TNIK: variants seen among roughly 807,000 people sequenced by gnomAD.
The protein encoded by TNIK is TRAF2 and NCK interacting kinase, also known as TRAF2 and NCK-interacting protein kinase.
In TNIK, 49 loss-of-function variants were observed where a neutral mutation model predicts 191.3. The ratio of observed to expected loss-of-function variants is 0.26; its 90% CI spans 0.20 to 0.32. The LOEUF (loss-of-function observed/expected upper bound fraction) is 0.32, where lower values mean the gene tolerates loss of function less well. Among genes scored for constraint, TNIK ranks in the 10% least tolerant of loss-of-function variants. The pLI, the probability that TNIK is intolerant of heterozygous loss-of-function variation, is 1.00. For synonymous variants in TNIK, 594 were observed against 600.9 expected (o/e 0.99, Z 0.17); for missense variants, 1,155 against 1,702.3 (o/e 0.68, Z 5.66).
chr3:171,118,126 C>T (rs1199249612), intron 18 of TNIK, among the ~76,000 whole-genome samples: 1 of 151,940 alleles, frequency 6.6e-6, no homozygotes, highest in Non-Finnish European at 1.5e-5. Flanking sequence ...GCAAAAATCA[C>T]AAACATTCTT....
At chr3:171,221,493 T>C (rs1284180216) in intron 3 of TNIK, among the ~76,000 whole-genome samples, 1 of 152,160 alleles carries the variant, frequency 6.6e-6, no homozygotes, top group Admixed American at 6.5e-5. Flanking sequence ...TCTTCTTAAA[T>C]TCTCTCTTCA....
At position 171,059,651 on chromosome 3, in the gene TNIK, ACTTTAG is replaced by A. The variant is rs1717654998; in HGVS notation, c.*4224_*4229del. Among the ~76,000 whole-genome samples, 2 of 152,196 alleles carry A rather than the reference ACTTTAG, an allele frequency of 1.3e-5. No individual in the cohort carries two copies. Among genetic ancestry groups the A allele is most frequent in the Admixed American group, 1.3e-4 (2 of 15,270 alleles). On this transcript the variant is annotated 3_prime_UTR_variant, in exon 33 of 33. Transcript: ENST00000436636. ...TTTAAGATCCATGAAAGGACAGCTT[ACTTTAG>A]GGTTCCTGATATATAGTGACCAAGG... is the stretch of plus-strand genomic sequence containing the variant.
chr3:171,094,041 T>A (rs915487188), intron 22 of TNIK, 73 bp from the exon 23 acceptor site: 22 of 1,536,336 alleles, frequency 1.4e-5, no homozygotes, highest in Non-Finnish European at 1.8e-5. Context: ...ATATTCATTA[T>A]TTTTGTTATG....
chr3:171,066,351 G>T, intron 31 of TNIK, 25 bp from the exon 32 acceptor site: 1 of 1,611,976 alleles, frequency 6.2e-7, no homozygotes, highest in Non-Finnish European at 8.5e-7. Flanking sequence ...TTCCAAAACT[G>T]CATTAAAAAC....
At chr3:171,117,782 A>G (rs1726977262) in intron 18 of TNIK, among the ~76,000 whole-genome samples, 1 of 152,116 alleles carries the variant, frequency 6.6e-6, no homozygotes, top group Non-Finnish European at 1.5e-5. Context: ...CATCCTGGCT[A>G]ACAGGGTGAA....
At chr3:171,166,120 A>G (rs1489517781) in intron 10 of TNIK, among the ~76,000 whole-genome samples, 2 of 152,214 alleles carry the variant, frequency 1.3e-5, no homozygotes, top group Non-Finnish European at 2.9e-5. Flanking sequence ...CAGCAAGCAC[A>G]CAATGTAGTA....
intron 12 of TNIK, among the ~76,000 whole-genome samples, chr3:171,155,741 C>T (rs946189781): frequency 6.6e-6 from 1 of 152,182 alleles, no homozygotes; most frequent in African/African-American, 2.4e-5. Flanking sequence ...AGATTCTGTG[C>T]CCTTGCGCAG....
At chr3:171,203,839 C>G (rs1273375833) in intron 4 of TNIK, among the ~76,000 whole-genome samples, 1 of 152,180 alleles carries the variant, frequency 6.6e-6, no homozygotes, top group East Asian at 1.9e-4. Flanking sequence ...AGTCTTGGCT[C>G]TGCAAGTGTA....
At chr3:171,332,320 T>A (rs1389174843) in intron 2 of TNIK, among the ~76,000 whole-genome samples, 2 of 152,256 alleles carry the variant, frequency 1.3e-5, no homozygotes, top group Non-Finnish European at 2.9e-5. Flanking sequence ...TTTTGGCTAT[T>A]GGAATTAGTT....
intron 2 of TNIK, among the ~76,000 whole-genome samples, chr3:171,363,742 A>T (rs2108476096): frequency 1.3e-5 from 2 of 152,344 alleles, no homozygotes; most frequent in Admixed American, 1.3e-4. Context: ...TGATATACAG[A>T]TTTGAGAAAA....
At chr3:171,144,610 T>A (rs1731286559) in intron 12 of TNIK, among the ~76,000 whole-genome samples, 1 of 152,112 alleles carries the variant, frequency 6.6e-6, no homozygotes, top group African/African-American at 2.4e-5. Flanking sequence ...CTTAAACACT[T>A]ACCATTGCTT....
intron 1 of TNIK, among the ~76,000 whole-genome samples, chr3:171,407,407 T>A (rs1024626932): frequency 1.3e-5 from 2 of 152,234 alleles, no homozygotes; most frequent in African/African-American, 4.8e-5. Context: ...GAAATTGCCT[T>A]GTTGCTTTGG....
intron 4 of TNIK, among the ~76,000 whole-genome samples, chr3:171,202,756 A>G (rs1457406470): frequency 2.0e-5 from 3 of 152,216 alleles, no homozygotes; most frequent in Non-Finnish European, 4.4e-5. Context: ...GTTTGTATCT[A>G]CGTAACTTAC....
At position 171,310,747 on chromosome 3, in the gene TNIK, C is replaced by T. The variant is rs183424873; in HGVS notation, c.123+58873G>A. On this transcript the variant is annotated intron_variant, in intron 2 of 32. Transcript: ENST00000436636. Reference sequence around the variant, plus strand: ...GTTCATATTTGATATTTAAATAAAGCTTTTCTTTTCAAGCATTATAATACA... The same window carrying T: ...GTTCATATTTGATATTTAAATAAAGTTTTTCTTTTCAAGCATTATAATACA... 3.5e-3 allele frequency among the ~76,000 whole-genome samples: 539 copies of T among 152,138 alleles called. 2 individuals are homozygous for T. Among genetic ancestry groups the T allele is most frequent in the African/African-American group, 0.012 (483 of 41,514 alleles).
intron 22 of TNIK, among the ~76,000 whole-genome samples, chr3:171,095,988 T>A (rs769369474): frequency 2.0e-5 from 3 of 152,256 alleles, no homozygotes; most frequent in Non-Finnish European, 4.4e-5. Flanking sequence ...CATTTGTTTA[T>A]CTTGTGTGTA....
At position 171,267,833 on chromosome 3, in the gene TNIK, T is replaced by C. The variant is rs999633161; in HGVS notation, c.124-39612A>G. 5.3e-5 allele frequency among the ~76,000 whole-genome samples: 8 copies of C among 152,344 alleles called. No homozygotes were observed. The East Asian group carries it at 1.5e-3, about 29-fold the overall frequency. Reference sequence around the variant, plus strand: ...TCCTCATCTGTGAAACTCGTTCATTTATTGAACAGGTTTACTGAGCTCCCA... The same window carrying C: ...TCCTCATCTGTGAAACTCGTTCATTCATTGAACAGGTTTACTGAGCTCCCA... On this transcript the variant is annotated intron_variant, in intron 2 of 32. Transcript: ENST00000436636.
rs1188474261 is a variant in TNIK at position 171,331,432 on chromosome 3, CAAAGTATTA to C, written c.123+38179_123+38187del. Among the ~76,000 whole-genome samples the C allele has an allele frequency of 1.3e-5, 2 of 152,090 alleles. 1 individual carries two copies. The highest frequency in any genetic ancestry group is 1.3e-4 in the Admixed American group (2 of 15,256). On this transcript the variant is annotated intron_variant, in intron 2 of 32. Coordinates refer to ENST00000436636, the MANE Select transcript of TNIK (RefSeq NM_015028.4). Reference sequence around the variant, plus strand: ...GTTTTGGCGAGTTGATCAGTCAAAACAAAGTATTAAAATAGCATCTACTTGGTAAATTCA... The same window carrying C: ...GTTTTGGCGAGTTGATCAGTCAAAACAAATAGCATCTACTTGGTAAATTCA...
chr3:171,454,930 T>C (rs1728616768), intron 1 of TNIK, among the ~76,000 whole-genome samples: 1 of 152,238 alleles, frequency 6.6e-6, no homozygotes, highest in Non-Finnish European at 1.5e-5. Context: ...ACAGTCATGA[T>C]CAATGTGTTT....
At chr3:171,256,838 A>T (rs1746939000) in intron 2 of TNIK, among the ~76,000 whole-genome samples, 1 of 152,150 alleles carries the variant, frequency 6.6e-6, no homozygotes, top group Admixed American at 6.5e-5. Flanking sequence ...GAAGAGTAAC[A>T]CTGGCCCCCC....
Sources: allele counts gnomAD v4.1 joint callset (sites outside exome capture counted in the v4.1 genomes callset), GRCh38; gene constraint gnomAD v4.1.1; transcripts MANE v1.5; gene names NCBI Gene and HGNC (gene_info 2026-07-23, HGNC 2026-07-21).